The following FANCD2 variants were observed in gnomAD, a reference collection of about 807,000 sequenced individuals.
FANCD2 encodes Fanconi anemia group D2 protein.
A neutral mutation model predicts 192.3 loss-of-function variants in FANCD2; 131 were observed. The observed-to-expected ratio is 0.68, with a 90% CI of 0.59 to 0.79. The LOEUF is 0.79. Among genes scored for constraint, FANCD2 ranks in the 30% least tolerant of loss-of-function variants. The pLI, the probability that FANCD2 is intolerant of heterozygous loss-of-function variation, is 0.00. For synonymous variants in FANCD2, 524 were observed against 612.5 expected, an observed-to-expected ratio of 0.86 and a Z score of 2.13; for missense variants, 1,508 against 1,701.6, an observed-to-expected ratio of 0.89 and a Z score of 2.00.
At chr3:10,060,210 A>T in intron 18 of FANCD2, 84 bp from the exon 19 acceptor site, 1 of 897,772 alleles carries the variant, frequency 1.1e-6, no homozygotes, top group Non-Finnish European at 1.8e-6. Flanking sequence ...ACGCCTTTAT[A>T]GTCTAGCTAT....
At chr3:10,092,330 C>T (rs1205223862) in intron 38 of FANCD2, 78 bp downstream of exon 38, 1 of 1,080,864 alleles carries the variant, frequency 9.3e-7, no homozygotes, top group Non-Finnish European at 1.4e-6. Context: ...AATGGACTTT[C>T]CTTGCTCCTC....
At chr3:10,035,112 A>G in intron 5 of FANCD2, 61 bp from the exon 6 acceptor site, 1 of 1,372,394 alleles carries the variant, frequency 7.3e-7, no homozygotes, top group Non-Finnish European at 1.0e-6. Flanking sequence ...TTGAGAAAAG[A>G]TGATAAAAGC....
intron 2 of FANCD2, among the ~76,000 whole-genome samples, chr3:10,031,741 A>T (rs568116280): frequency 1.3e-4 from 20 of 152,278 alleles, no homozygotes; most frequent in South Asian, 4.2e-4. Context: ...TTGAGTCTCA[A>T]ATTTGGTGTG....
At chr3:10,052,285 T>G in intron 17 of FANCD2, 102 bp from the exon 18 acceptor site, 1 of 775,776 alleles carries the variant, frequency 1.3e-6, no homozygotes, top group Non-Finnish European at 2.3e-6. Context: ...TTTAGATACC[T>G]GGCTATCTAT....
intron 8 of FANCD2, 144 bp from the exon 9 acceptor site, chr3:10,039,577 T>C: frequency 1.0e-6 from 1 of 965,678 alleles, no homozygotes; most frequent in Non-Finnish European, 1.5e-6. Context: ...ATAAATTAAA[T>C]ATTTGGGAAG....
chr3:10,094,386 A>G (rs1282218751), intron 40 of FANCD2, 23 bp downstream of exon 40: 8 of 1,592,748 alleles, frequency 5.0e-6, no homozygotes, highest in Admixed American at 3.3e-5. Context: ...AGCAGAGAAC[A>G]AAGATATGCA....
Position 10,085,902 on chromosome 3 carries a change from G to T in FANCD2, c.3315G>T (p.Gln1105His). The T allele has an allele frequency of 2.5e-6, 4 of 1,612,086 alleles. No homozygotes were observed. The highest frequency in any genetic ancestry group is 3.4e-6 in the Non-Finnish European group (4 of 1,178,234). ...GACTGAAACAGGGAGAACACAGCCA[G>T]CCTTTGGAGGAACTACTCAGGTGAG... Reference protein sequence around the residue: ...SSRLKQGEHSQPLEELLSQSV... With the variant: ...SSRLKQGEHSHPLEELLSQSV... The change falls in exon 33 of 44, where the codon CAG (glutamine) becomes CAT (histidine). Residue 1105 changes from glutamine (Q) to histidine (H), a missense_variant. Around this residue, in one of 5 missense-constraint regions of FANCD2, gnomAD observed 796 missense variants for 879.4 expected, o/e 0.91. Coordinates refer to ENST00000675286, the MANE Select transcript of FANCD2 (RefSeq NM_001018115.3).
intron 19 of FANCD2, 114 bp downstream of exon 19, chr3:10,060,517 ATGTGT>A: frequency 1.2e-6 from 1 of 803,830 alleles, no homozygotes; most frequent in Non-Finnish European, 2.1e-6. Context: ...AAATGAGCAA[ATGTGT>A]TTTGCTACTT....
intron 26 of FANCD2, among the ~76,000 whole-genome samples, chr3:10,068,465 C>A (rs1002471801): frequency 6.6e-6 from 1 of 151,802 alleles, no homozygotes; most frequent in African/African-American, 2.4e-5. Context: ...ATAATGAGTA[C>A]TATGAAACAT....
In FANCD2 at chr3:10,096,411, T is replaced by G; in HGVS notation, c.4124T>G (p.Leu1375Arg). The change falls in exon 42 of 44, where the codon CTC becomes CGC. Residue 1375 changes from leucine to arginine, a missense_variant. This residue lies in a region of FANCD2 where 796 missense variants were observed against 879.4 expected (regional missense o/e 0.91). Transcript: ENST00000675286. ...TTAGTTTGCAGAGTCAAAGCTATGC[T>G]CACTCTCAACAATTGTAGAGAGGCT... is the stretch of plus-strand genomic sequence containing the variant. ...ELLVCRVKAMLTLNNCREAFW... is the reference protein window; with the variant it reads ...ELLVCRVKAMRTLNNCREAFW... 1 of 1,614,160 alleles carries G rather than the reference T, an allele frequency of 6.2e-7. No homozygotes were observed. Among genetic ancestry groups the G allele is most frequent in the Non-Finnish European group, 8.5e-7 (1 of 1,179,998 alleles).
intron 32 of FANCD2, among the ~76,000 whole-genome samples, chr3:10,081,973 C>T (rs922436366): frequency 6.6e-6 from 1 of 152,150 alleles, no homozygotes; most frequent in Admixed American, 6.6e-5. Context: ...GCTCTCTGTT[C>T]TCATTATACA....
intron 18 of FANCD2, 99 bp downstream of exon 18, chr3:10,052,596 G>T (rs1193662300): frequency 1.1e-4 from 92 of 802,230 alleles, no homozygotes; most frequent in Non-Finnish European, 1.9e-4. Flanking sequence ...TCAGCTCATT[G>T]CAACCTCTGC....
At chr3:10,031,889 C>T (rs2086611609) in intron 2 of FANCD2, among the ~76,000 whole-genome samples, 1 of 152,086 alleles carries the variant, frequency 6.6e-6, no homozygotes, top group Non-Finnish European at 1.5e-5. Context: ...CTCTGTTGCT[C>T]AGGCAGGAGT....
intron 18 of FANCD2, among the ~76,000 whole-genome samples, chr3:10,056,425 T>C (rs2087414826): frequency 6.6e-6 from 1 of 152,206 alleles, no homozygotes; most frequent in Admixed American, 6.5e-5. Flanking sequence ...TGCATAATTT[T>C]ACATTCCCAC....
At chr3:10,035,798 T>G (rs912077577) in intron 6 of FANCD2, among the ~76,000 whole-genome samples, 2 of 152,158 alleles carry the variant, frequency 1.3e-5, no homozygotes, top group Non-Finnish European at 2.9e-5. Flanking sequence ...GTCTAAGAGC[T>G]CCCTTGTTCC....
intron 19 of FANCD2, among the ~76,000 whole-genome samples, chr3:10,061,764 C>T (rs1464188148): frequency 2.0e-5 from 3 of 152,124 alleles, no homozygotes; most frequent in Non-Finnish European, 1.5e-5. Context: ...AAATACTCTT[C>T]GCTGCCTTCA....
chr3:10,095,170 A>C, intron 40 of FANCD2, 30 bp from the exon 41 acceptor site: 1 of 1,571,010 alleles, frequency 6.4e-7, no homozygotes, highest in Non-Finnish European at 8.8e-7. Context: ...AGGACATTTC[A>C]TAGAGCATTT....
Position 10,067,278 on chromosome 3 carries a change from A to T in FANCD2, c.2455A>T (p.Ile819Phe), listed in dbSNP as rs1263667043. Residue 819 changes from isoleucine to phenylalanine, a missense_variant, in exon 26 of 44, where the codon ATT (isoleucine) becomes TTT (phenylalanine). Coordinates refer to ENST00000675286, the MANE Select transcript of FANCD2 (RefSeq NM_001018115.3). ...KGKVLTRLKHIVELQIILEKY... is the reference protein window; with the variant it reads ...KGKVLTRLKHFVELQIILEKY... ...GAAGGTGCTCACTCGGTTAAAGCAC[A>T]TTGTAGAATTGCAAATAATCCTGGA... 6.2e-7 allele frequency: 1 copy of T among 1,613,652 alleles called. No individual in the cohort carries two copies. Among genetic ancestry groups the T allele is most frequent in the Admixed American group, 1.7e-5 (1 of 60,020 alleles).
chr3:10,097,254 A>G (rs1253059440), intron 42 of FANCD2, among the ~76,000 whole-genome samples: 1 of 152,224 alleles, frequency 6.6e-6, no homozygotes, highest in Non-Finnish European at 1.5e-5. Context: ...ATAACATCTT[A>G]TCAGGAGACA....
Sources: allele counts gnomAD v4.1 joint callset (sites outside exome capture counted in the v4.1 genomes callset), GRCh38; gene constraint gnomAD v4.1.1; regional missense constraint gnomAD v4.1.1; transcripts MANE v1.5; gene names NCBI Gene and HGNC (gene_info 2026-07-23, HGNC 2026-07-21).